The following PLPP4 variants were observed in gnomAD, a reference collection of about 807,000 sequenced individuals.
The protein encoded by PLPP4 is diacylglycerol pyrophosphate like 2.
A neutral mutation model predicts 32.2 loss-of-function variants in PLPP4; 20 were observed. That is an observed-to-expected ratio of 0.62 (90% CI 0.44 to 0.90). The LOEUF (loss-of-function observed/expected upper bound fraction) is 0.90. Among genes scored for constraint, PLPP4 ranks in the 40% least tolerant of loss-of-function variants. PLPP4 has a pLI of 0.00. For synonymous variants in PLPP4, 127 were observed against 133.0 expected (o/e 0.95, Z 0.31); for missense variants, 257 against 353.1 (o/e 0.73, Z 2.18).
intron 6 of PLPP4, among the ~76,000 whole-genome samples, chr10:120,576,365 G>T (rs1459631370): frequency 2.0e-5 from 3 of 152,218 alleles, no homozygotes; most frequent in Non-Finnish European, 2.9e-5. Flanking sequence ...GCAGCCAGCT[G>T]CCTTGCAGGA....
In PLPP4 at chr10:120,518,946, A is replaced by G. The variant is rs745535096; in HGVS notation, c.320+50A>G. The G allele has an allele frequency of 6.0e-6, 9 of 1,500,218 alleles. No individual in the cohort carries two copies. In the African/African-American group the frequency reaches 8.3e-5, roughly 14 times the overall value. 92.9% of individuals were successfully genotyped at this position (1,500,218 alleles called of 1,614,324 possible). A position where few individuals can be genotyped will look rare whatever the true frequency, so the allele number is the denominator to read the frequency against. On this transcript the variant is annotated intron_variant, in intron 4 of 6. Transcript: ENST00000398250. ...GTGACTTAGACTATCAAGGTCATCT[A>G]TATAGGAAGCTGGGCCAGAGGACAC...
At chr10:120,516,316 A>G (rs1025999221) in intron 3 of PLPP4, among the ~76,000 whole-genome samples, 9 of 152,208 alleles carry the variant, frequency 5.9e-5, no homozygotes, top group Admixed American at 4.6e-4. Context: ...ACTTTAACCC[A>G]GGCTTCCAAA....
rs138593178 is a variant in PLPP4 at position 120,459,141 on chromosome 10, C to T, written c.56+1780C>T. 7.2e-5 allele frequency among the ~76,000 whole-genome samples: 11 copies of T among 152,282 alleles called. No homozygotes were observed. The East Asian group carries it at 1.4e-3, about 19-fold the overall frequency. The stretch of plus-strand genomic sequence containing the variant: ...GAAAACTTGGTAATTATTGCTTATG[C>T]GCGTCTTGCTTTTTCTAAGGGTGTC... On this transcript the variant is annotated intron_variant, in intron 1 of 6. Transcript: ENST00000398250.
chr10:120,564,991 T>C (rs1371987951), intron 5 of PLPP4, among the ~76,000 whole-genome samples: 1 of 152,190 alleles, frequency 6.6e-6, no homozygotes, highest in Non-Finnish European at 1.5e-5. Context: ...ATTTTCCTCT[T>C]TTAGTTTGAA....
intron 1 of PLPP4, among the ~76,000 whole-genome samples, chr10:120,458,559 G>C (rs115651898): frequency 0.011 from 1,634 of 152,150 alleles, 36 homozygotes; most frequent in African/African-American, 0.036. Context: ...TTTTTCTTTA[G>C]CAGGGATTAA....
chr10:120,566,214 A>T (rs1172141969), intron 5 of PLPP4, among the ~76,000 whole-genome samples: 1 of 152,150 alleles, frequency 6.6e-6, no homozygotes, highest in Non-Finnish European at 1.5e-5. Context: ...TGATGTCCTA[A>T]ATCTTTGTGT....
intron 1 of PLPP4, among the ~76,000 whole-genome samples, chr10:120,466,352 G>A (rs1257621424): frequency 6.6e-6 from 1 of 151,978 alleles, no homozygotes; most frequent in East Asian, 1.9e-4. Flanking sequence ...GCACTTAATA[G>A]CCAAAAGTGA....
At chr10:120,567,230 T>C (rs924406753) in intron 5 of PLPP4, among the ~76,000 whole-genome samples, 7 of 152,238 alleles carry the variant, frequency 4.6e-5, no homozygotes, top group Non-Finnish European at 1.0e-4. Context: ...AATTATTAGG[T>C]ATTCTTGTAT....
intron 3 of PLPP4, among the ~76,000 whole-genome samples, chr10:120,514,422 C>T (rs2133893098): frequency 6.6e-6 from 1 of 152,262 alleles, no homozygotes; most frequent in East Asian, 1.9e-4. Flanking sequence ...ACACTGTTGG[C>T]TAGAAGCAAT....
intron 5 of PLPP4, among the ~76,000 whole-genome samples, chr10:120,522,794 A>G (rs1490768289): frequency 2.0e-5 from 3 of 152,164 alleles, no homozygotes; most frequent in Non-Finnish European, 2.9e-5. Flanking sequence ...TAAAGTAACC[A>G]TGTGATGAGA....
In PLPP4 at chr10:120,589,488, G is replaced by A. The variant is rs754384871; in HGVS notation, c.802G>A (p.Glu268Lys). ...CAGCTTGCCTCTGGAGGGGATCACC[G>A]AAGGCCCGGTATGACCAGTGTCCTG... ...APSLPLEGIT[E>K]GPV The change falls in exon 7 of 7, where the codon GAA becomes AAA. Residue 268 changes from glutamate to lysine, a missense_variant. Physicochemically the swap from Glu to Lys is moderately conservative, Grantham distance 56 (BLOSUM62 1). Coordinates refer to ENST00000398250, the MANE Select transcript of PLPP4 (RefSeq NM_001030059.3). The A allele has an allele frequency of 2.2e-5, 35 of 1,613,898 alleles. No individual in the cohort carries two copies. The highest frequency in any genetic ancestry group is 1.7e-4 in the Middle Eastern group (1 of 6,006).
intron 1 of PLPP4, among the ~76,000 whole-genome samples, chr10:120,502,160 G>A (rs1467758665): frequency 6.6e-6 from 1 of 151,966 alleles, no homozygotes; most frequent in Non-Finnish European, 1.5e-5. Context: ...GTTCTGTGAT[G>A]ATGGCACTGC....
intron 5 of PLPP4, among the ~76,000 whole-genome samples, chr10:120,548,957 T>C (rs1164617467): frequency 6.6e-6 from 1 of 152,076 alleles, no homozygotes; most frequent in East Asian, 1.9e-4. Flanking sequence ...TTTAAGTTCC[T>C]TATGGATTAT....
chr10:120,474,162 G>A (rs981759755), intron 1 of PLPP4, among the ~76,000 whole-genome samples: 1 of 152,116 alleles, frequency 6.6e-6, no homozygotes, highest in Non-Finnish European at 1.5e-5. Flanking sequence ...AGGGTAGAGA[G>A]ACAAAATATA....
At chr10:120,544,355 A>G (rs1226962285) in intron 5 of PLPP4, among the ~76,000 whole-genome samples, 2 of 152,184 alleles carry the variant, frequency 1.3e-5, no homozygotes, top group African/African-American at 4.8e-5. Flanking sequence ...TGCCTGGGAG[A>G]CTAGAGTCAA....
chr10:120,499,701 G>A (rs1386133918), intron 1 of PLPP4, among the ~76,000 whole-genome samples: 1 of 152,094 alleles, frequency 6.6e-6, no homozygotes, highest in East Asian at 1.9e-4. Context: ...TTCTGAACCT[G>A]CTGTCTCTGT....
chr10:120,581,363 A>G (rs1849501668), intron 6 of PLPP4: 1 of 934,148 alleles, frequency 1.1e-6, no homozygotes, highest in African/African-American at 1.8e-5. Context: ...TGCCTGAATC[A>G]TTGCAGAAGC....
At chr10:120,572,489 G>T (rs1029115320) in intron 5 of PLPP4, among the ~76,000 whole-genome samples, 4 of 152,198 alleles carry the variant, frequency 2.6e-5, no homozygotes, top group African/African-American at 9.7e-5. Context: ...TGATTTGTTT[G>T]TTTGTTTGTT....
At chr10:120,577,549 C>A (rs1015360514) in intron 6 of PLPP4, among the ~76,000 whole-genome samples, 1 of 152,116 alleles carries the variant, frequency 6.6e-6, no homozygotes, top group African/African-American at 2.4e-5. Context: ...ATCCAACAGG[C>A]ACAGAAAGGA....
Sources: gnomAD v4.1 joint callset for allele counts (sites outside exome capture counted in the v4.1 genomes callset) on GRCh38, gnomAD v4.1.1 for gene constraint, MANE v1.5 for transcripts, NCBI Gene and HGNC (gene_info 2026-07-23, HGNC 2026-07-21) for gene names.